RCAN2: variants seen among roughly 807,000 people sequenced by gnomAD.
RCAN2 encodes the protein calcipressin-2.
A neutral mutation model predicts 23.6 loss-of-function variants in RCAN2; 9 were observed. That is an observed-to-expected ratio of 0.38 (90% CI 0.23 to 0.67). RCAN2 has a LOEUF of 0.67. RCAN2 is among the 30% of genes least tolerant of loss of function. RCAN2 has a pLI of 0.51. For synonymous variants in RCAN2, 109 were observed against 115.7 expected, an observed-to-expected ratio of 0.94 and a Z score of 0.37; for missense variants, 273 against 302.3, an observed-to-expected ratio of 0.90 and a Z score of 0.72.
intron 2 of RCAN2, among the ~76,000 whole-genome samples, chr6:46,398,415 A>G (rs1021265050): frequency 1.3e-5 from 2 of 152,154 alleles, no homozygotes; most frequent in African/African-American, 4.8e-5. Context: ...ATAATTTCTT[A>G]GTGGCCAATT....
chr6:46,472,388 A>G (rs1189374774), intron 1 of RCAN2, among the ~76,000 whole-genome samples: 1 of 152,224 alleles, frequency 6.6e-6, no homozygotes, highest in East Asian at 1.9e-4. Context: ...GGTCTGTAAC[A>G]TATCGCTATA....
At chr6:46,432,359 A>C (rs542121393) in intron 2 of RCAN2, among the ~76,000 whole-genome samples, 1 of 151,924 alleles carries the variant, frequency 6.6e-6, no homozygotes, top group African/African-American at 2.4e-5. Context: ...GATTACAGGC[A>C]TGTGCCACCA....
intron 2 of RCAN2, among the ~76,000 whole-genome samples, chr6:46,442,605 G>GA (rs913351098): frequency 6.6e-6 from 1 of 151,568 alleles, no homozygotes; most frequent in African/African-American, 2.4e-5. Context: ...CAAATAGGGA[G>GA]AAAAAAAAGC....
chr6:46,400,344 G>T (rs1013134804), intron 2 of RCAN2, among the ~76,000 whole-genome samples: 2 of 152,130 alleles, frequency 1.3e-5, no homozygotes, highest in African/African-American at 4.8e-5. Flanking sequence ...TTGGACCAGA[G>T]ATCCAATACT....
intron 2 of RCAN2, among the ~76,000 whole-genome samples, chr6:46,421,430 G>A (rs992887597): frequency 3.3e-5 from 5 of 152,198 alleles, no homozygotes; most frequent in African/African-American, 9.7e-5. Context: ...AGAGAATAAT[G>A]TAATAGGAAA....
intron 2 of RCAN2, among the ~76,000 whole-genome samples, chr6:46,353,368 T>G (rs181110888): frequency 6.6e-6 from 1 of 151,936 alleles, no homozygotes; most frequent in Non-Finnish European, 1.5e-5. Context: ...AGGAGAGAAT[T>G]TGAAAGAACT....
At chr6:46,331,541 C>A (rs1202567762) in intron 2 of RCAN2, among the ~76,000 whole-genome samples, 2 of 152,156 alleles carry the variant, frequency 1.3e-5, no homozygotes, top group Non-Finnish European at 2.9e-5. Context: ...TCTGACAAAT[C>A]TTCAAAGGGC....
chr6:46,448,728 C>T (rs899237516), intron 2 of RCAN2, among the ~76,000 whole-genome samples: 3 of 151,784 alleles, frequency 2.0e-5, no homozygotes, highest in Non-Finnish European at 4.4e-5. Flanking sequence ...GGATAAAAAC[C>T]ATATGGTTAT....
At chr6:46,348,785 G>T (rs1764563834) in intron 2 of RCAN2, among the ~76,000 whole-genome samples, 1 of 152,188 alleles carries the variant, frequency 6.6e-6, no homozygotes, top group African/African-American at 2.4e-5. Context: ...AGCAACGTCT[G>T]CCAGTGGCAT....
intron 2 of RCAN2, among the ~76,000 whole-genome samples, chr6:46,275,589 A>T (rs115895778): frequency 0.013 from 1,981 of 152,312 alleles, 43 homozygotes; most frequent in African/African-American, 0.045. Flanking sequence ...GCTTGGTATA[A>T]GCATCACCTA....
intron 2 of RCAN2, among the ~76,000 whole-genome samples, chr6:46,383,687 T>C (rs1342964399): frequency 1.3e-5 from 2 of 152,236 alleles, no homozygotes; most frequent in East Asian, 3.8e-4. Flanking sequence ...TCAGTTACAC[T>C]GGCCATATTG....
At chr6:46,364,924 T>C (rs1267102301) in intron 2 of RCAN2, among the ~76,000 whole-genome samples, 2 of 152,284 alleles carry the variant, frequency 1.3e-5, no homozygotes, top group East Asian at 3.9e-4. Context: ...CTCACCAGCC[T>C]GTTCCCTCTA....
intron 2 of RCAN2, among the ~76,000 whole-genome samples, chr6:46,448,644 T>C (rs1361118695): frequency 6.6e-6 from 1 of 151,850 alleles, no homozygotes. Flanking sequence ...TCAAGTGAGA[T>C]TTATCACAGA....
chr6:46,464,945 T>C (rs1411799024), intron 1 of RCAN2, among the ~76,000 whole-genome samples: 1 of 151,746 alleles, frequency 6.6e-6, no homozygotes, highest in East Asian at 1.9e-4. Context: ...GTTTCCATCA[T>C]GTCCTTTTGC....
intron 2 of RCAN2, among the ~76,000 whole-genome samples, chr6:46,346,221 A>G (rs1043667189): frequency 2.6e-5 from 4 of 152,204 alleles, no homozygotes; most frequent in Admixed American, 1.3e-4. Context: ...TCTATGGCAT[A>G]CAGGTAAAGC....
rs142923718 is a variant in RCAN2, at chr6:46,468,544, T to C, written c.-2-11566A>G. On this transcript the variant is annotated intron_variant, in intron 1 of 4. Transcript: ENST00000371374. ...CTGGGAGGGCTGCCCAGCTTCTCCT[T>C]TCTGTCCTCCCGTCTGCACATGTGT... Among the ~76,000 whole-genome samples, 253 of 152,344 alleles carry C rather than the reference T, an allele frequency of 1.7e-3. 1 individual carries two copies. Among genetic ancestry groups the C allele is most frequent in the African/African-American group, 5.7e-3 (239 of 41,574 alleles).
intron 1 of RCAN2, among the ~76,000 whole-genome samples, chr6:46,484,695 A>G (rs1768949213): frequency 1.3e-5 from 2 of 152,228 alleles, no homozygotes; most frequent in Admixed American, 1.3e-4. Flanking sequence ...TGCTGTATCC[A>G]TGGGCCAGGC....
At chr6:46,319,972 T>A (rs147454884) in intron 2 of RCAN2, among the ~76,000 whole-genome samples, 2 of 152,302 alleles carry the variant, frequency 1.3e-5, no homozygotes, top group Admixed American at 6.5e-5. Flanking sequence ...ATTACTATTA[T>A]GGTCATTGAA....
intron 4 of RCAN2, among the ~76,000 whole-genome samples, chr6:46,245,751 A>G (rs1766490794): frequency 6.6e-6 from 1 of 152,142 alleles, no homozygotes; most frequent in Non-Finnish European, 1.5e-5. Flanking sequence ...AACTTTACCC[A>G]CATCAAATTA....
Sources: allele counts gnomAD v4.1 joint callset (sites outside exome capture counted in the v4.1 genomes callset), GRCh38; gene constraint gnomAD v4.1.1; transcripts MANE v1.5; gene names NCBI Gene and HGNC (gene_info 2026-07-23, HGNC 2026-07-21).